The following MALRD1 variants were observed in gnomAD, a reference collection of about 807,000 sequenced individuals.
The protein encoded by MALRD1 is MAM and LDL receptor class A domain containing 1.
A neutral mutation model predicts 242.1 loss-of-function variants in MALRD1; 247 were observed. That is an observed-to-expected ratio of 1.02 (90% CI 0.92 to 1.13). The LOEUF is 1.13. Among genes scored for constraint, MALRD1 ranks in the 50% most tolerant of loss-of-function variants. The probability of loss-of-function intolerance (pLI) is 0.00; values close to 1 mark genes in which losing one functional copy is unlikely to be tolerated. For synonymous variants in MALRD1, 995 were observed against 866.6 expected, an observed-to-expected ratio of 1.15 and a Z score of -2.60; for missense variants, 2,989 against 2,533.1, an observed-to-expected ratio of 1.18 and a Z score of -3.86.
At chr10:19,467,684 G>C (rs1046567146) in intron 29 of MALRD1, among the ~76,000 whole-genome samples, 1 of 56,534 alleles carries the variant, frequency 1.8e-5, no homozygotes, top group African/African-American at 5.2e-5. Flanking sequence ...TGTACCATAA[G>C]GCTTTTTTGG....
intron 36 of MALRD1, among the ~76,000 whole-genome samples, chr10:19,620,218 G>T (rs1160354252): frequency 6.6e-6 from 1 of 151,808 alleles, no homozygotes; most frequent in Non-Finnish European, 1.5e-5. Flanking sequence ...AGGTACATGT[G>T]TAGGTTTGTT....
At position 19,093,759 on chromosome 10, in the gene MALRD1, A is replaced by T. The variant is rs1490987155; in HGVS notation, c.597+5574A>T. Among the ~76,000 whole-genome samples, 5 of 47,482 alleles carry T rather than the reference A, an allele frequency of 1.1e-4. 1 individual carries two copies. Among genetic ancestry groups the T allele is most frequent in the Non-Finnish European group, 7.8e-5 (2 of 25,680 alleles). The allele number at this position is 47,482 out of a possible 152,430, so 31.2% of individuals were successfully genotyped here. On this transcript the variant is annotated intron_variant, in intron 4 of 39. Coordinates refer to ENST00000454679, the MANE Select transcript of MALRD1 (RefSeq NM_001142308.3). ...GGTCTTTGATGATGGTGATGTACAG[A>T]TGGGTTTTCGGTGTAGATGTCCTTT...
In MALRD1 at chr10:19,227,539, A is replaced by G. The variant is rs1232803702; in HGVS notation, c.2991+17859A>G. 2.0e-5 allele frequency among the ~76,000 whole-genome samples: 3 copies of G among 152,232 alleles called. No individual in the cohort carries two copies. The East Asian group carries it at 5.8e-4, about 29-fold the overall frequency. On this transcript the variant is annotated intron_variant, in intron 18 of 39. Transcript: ENST00000454679. ...AGCTTACTGAATAGGAAAAATTTTT[A>G]ATAATCTTACTATAGCTAAAAATTT...
At chr10:19,070,663 C>G (rs1835116172) in intron 2 of MALRD1, among the ~76,000 whole-genome samples, 1 of 151,874 alleles carries the variant, frequency 6.6e-6, no homozygotes, top group African/African-American at 2.4e-5. Context: ...TTACCTGCTG[C>G]TGATTAAATT....
intron 36 of MALRD1, among the ~76,000 whole-genome samples, chr10:19,688,550 C>T (rs888289472): frequency 6.6e-6 from 1 of 152,178 alleles, no homozygotes; most frequent in Non-Finnish European, 1.5e-5. Context: ...CATGAGCCAG[C>T]ATGCCCAGCC....
intron 13 of MALRD1, among the ~76,000 whole-genome samples, chr10:19,174,646 T>A (rs990454748): frequency 6.6e-6 from 1 of 151,902 alleles, no homozygotes; most frequent in African/African-American, 2.4e-5. Context: ...AGCGTTAGAA[T>A]AAACTAAAAT....
At chr10:19,485,596 T>G (rs1837200272) in intron 29 of MALRD1, among the ~76,000 whole-genome samples, 1 of 150,680 alleles carries the variant, frequency 6.6e-6, no homozygotes, top group South Asian at 2.1e-4. Flanking sequence ...TGAGCCCAGA[T>G]CGCGCCACTG....
At chr10:19,510,226 C>T (rs149274153) in intron 31 of MALRD1, among the ~76,000 whole-genome samples, 4 of 152,312 alleles carry the variant, frequency 2.6e-5, no homozygotes, top group Non-Finnish European at 5.9e-5. Flanking sequence ...AATATACAAT[C>T]GAGTTTTACA....
At chr10:19,174,628 CATT>C (rs1333342694) in intron 13 of MALRD1, among the ~76,000 whole-genome samples, 2 of 151,908 alleles carry the variant, frequency 1.3e-5, no homozygotes, top group African/African-American at 4.8e-5. Flanking sequence ...TTATATCAGT[CATT>C]ATTCAGCGTT....
intron 18 of MALRD1, among the ~76,000 whole-genome samples, chr10:19,217,554 GACAGAGTCTCA>G (rs1279749131): frequency 8.2e-6 from 1 of 121,640 alleles, no homozygotes; most frequent in Admixed American, 9.5e-5. Context: ...TTTTTTTTGA[GACAGAGTCTCA>G]CTCTGTCACC....
intron 21 of MALRD1, among the ~76,000 whole-genome samples, chr10:19,322,232 A>G (rs1423813268): frequency 6.6e-6 from 1 of 152,144 alleles, no homozygotes; most frequent in Non-Finnish European, 1.5e-5. Context: ...ATAAGTATAT[A>G]CATCTTTGTT....
intron 18 of MALRD1, among the ~76,000 whole-genome samples, chr10:19,217,789 G>T (rs561951525): frequency 3.2e-4 from 49 of 152,156 alleles, no homozygotes; most frequent in African/African-American, 1.2e-3. Flanking sequence ...CTCCCAAAGT[G>T]CTGGGATTAC....
intron 30 of MALRD1, among the ~76,000 whole-genome samples, chr10:19,497,249 C>A (rs1318158647): frequency 1.3e-5 from 2 of 151,374 alleles, no homozygotes; most frequent in Non-Finnish European, 2.9e-5. Context: ...GGCTAAACAC[C>A]AGCAGAACGG....
intron 26 of MALRD1, among the ~76,000 whole-genome samples, chr10:19,369,661 C>A (rs960929163): frequency 6.7e-5 from 10 of 149,360 alleles, no homozygotes; most frequent in African/African-American, 2.2e-4. Flanking sequence ...TACATATTTT[C>A]AAATATGCAT....
intron 19 of MALRD1, among the ~76,000 whole-genome samples, chr10:19,260,041 G>A (rs369874670): frequency 6.6e-6 from 1 of 152,108 alleles, no homozygotes; most frequent in Non-Finnish European, 1.5e-5. Flanking sequence ...GTTGTTGGAT[G>A]GATAAGTAGG....
chr10:19,682,467 C>T (rs1842412813), intron 36 of MALRD1, among the ~76,000 whole-genome samples: 1 of 152,060 alleles, frequency 6.6e-6, no homozygotes, highest in Admixed American at 6.6e-5. Flanking sequence ...TTTATTTTTT[C>T]CTTTCTCCTC....
At chr10:19,587,433 T>G (rs1355028269) in intron 33 of MALRD1, among the ~76,000 whole-genome samples, 1 of 152,220 alleles carries the variant, frequency 6.6e-6, no homozygotes, top group African/African-American at 2.4e-5. Context: ...GCATATCATT[T>G]TTTCCTTCAA....
chr10:19,438,559 T>A (rs758230280), intron 28 of MALRD1, among the ~76,000 whole-genome samples: 5 of 152,214 alleles, frequency 3.3e-5, no homozygotes, highest in Admixed American at 1.3e-4. Flanking sequence ...CCATTTTTAG[T>A]TTCCTATAGA....
In MALRD1 at chr10:19,556,082, T is replaced by C. The variant is rs1368504077; in HGVS notation, c.5479-11420T>C. Among the ~76,000 whole-genome samples, 7 of 152,188 alleles carry C rather than the reference T, an allele frequency of 4.6e-5. No homozygotes were observed. The East Asian group carries it at 1.3e-3, about 29-fold the overall frequency. ...CACCAGCGCTATCATTTCTGTACTG[T>C]GTATTTTTAAAATTTACTTTTAAAC... On this transcript the variant is annotated intron_variant, in intron 32 of 39. Transcript: ENST00000454679.
Sources: gnomAD v4.1 joint callset for allele counts (sites outside exome capture counted in the v4.1 genomes callset) on GRCh38, gnomAD v4.1.1 for gene constraint, MANE v1.5 for transcripts, NCBI Gene and HGNC (gene_info 2026-07-23, HGNC 2026-07-21) for gene names.